PLET1: variants seen among roughly 807,000 people sequenced by gnomAD.
The protein encoded by PLET1 is placenta-expressed transcript 1 protein.
In PLET1, 20 loss-of-function variants were observed where a neutral mutation model predicts 18.5. The ratio of observed to expected loss-of-function variants is 1.08; its 90% CI spans 0.76 to 1.57. The LOEUF (loss-of-function observed/expected upper bound fraction) is 1.57, where lower values mean the gene tolerates loss of function less well. Ranked by LOEUF, PLET1 falls within the 40% of genes most tolerant of loss-of-function variation. The probability of loss-of-function intolerance (pLI) is 0.00; values close to 1 mark genes in which losing one functional copy is unlikely to be tolerated. For synonymous variants in PLET1, 93 were observed against 93.8 expected (o/e 0.99, Z 0.05); for missense variants, 256 against 246.4 (o/e 1.04, Z -0.26).
rs567299489 is a variant in PLET1, at chr11:112,248,338, T to C, written c.*461A>G. On this transcript the variant is annotated 3_prime_UTR_variant, in exon 4 of 4. Transcript: ENST00000338832. ...CTCAGAGCTATTTCTCCTTTCTCCTTTCTTTCTTGAGTCACATGAGTCACA... is the reference window on the plus strand; with the variant it reads ...CTCAGAGCTATTTCTCCTTTCTCCTCTCTTTCTTGAGTCACATGAGTCACA... 1 of 364,524 alleles carries C rather than the reference T, an allele frequency of 2.7e-6. No individual in the cohort carries two copies. Among genetic ancestry groups the C allele is most frequent in the Admixed American group, 4.6e-5 (1 of 21,802 alleles). 22.6% of individuals were successfully genotyped at this position (364,524 alleles called of 1,614,324 possible).
At position 112,248,380 on chromosome 11, in the gene PLET1, T is replaced by C; in HGVS notation, c.*419A>G. The C allele has an allele frequency of 2.6e-6, 1 of 391,394 alleles. No homozygotes were observed. Among genetic ancestry groups the C allele is most frequent in the Non-Finnish European group, 4.5e-6 (1 of 222,212 alleles). 24.2% of individuals were successfully genotyped at this position (391,394 alleles called of 1,614,324 possible). A position where few individuals can be genotyped will look rare whatever the true frequency, so the allele number is the denominator to read the frequency against. ...TGAGTCACAGAAGTTCCTTGTAACC[T>C]GAATGGGTTTGGTTAGAAATCTGAG... On this transcript the variant is annotated 3_prime_UTR_variant, in exon 4 of 4. Transcript: ENST00000338832.
intron 1 of PLET1, among the ~76,000 whole-genome samples, chr11:112,259,595 T>C (rs1378329662): frequency 6.6e-6 from 1 of 152,162 alleles, no homozygotes; most frequent in Admixed American, 6.5e-5. Context: ...GGCAGGTCAT[T>C]TAATTTCCCT....
intron 1 of PLET1, among the ~76,000 whole-genome samples, chr11:112,257,330 G>A (rs1860233858): frequency 6.7e-6 from 1 of 149,616 alleles, no homozygotes. Flanking sequence ...GCTTGCTTAT[G>A]TCCCACCTCT....
rs192800813 is a variant in PLET1, at chr11:112,248,228, A to G, written c.*571T>C. 2.0e-5 allele frequency among the ~76,000 whole-genome samples: 3 copies of G among 152,260 alleles called. No individual in the cohort carries two copies. The highest frequency in any genetic ancestry group is 3.9e-4 in the East Asian group (2 of 5,194). ...TGTTTTTATAACATAGTTTTTTTCT[A>G]TATTGGCTTCTCAGACATGGTTCGT... On this transcript the variant is annotated 3_prime_UTR_variant, in exon 4 of 4. Transcript: ENST00000338832.
intron 1 of PLET1, among the ~76,000 whole-genome samples, chr11:112,256,902 T>C (rs1860230206): frequency 6.6e-6 from 1 of 152,294 alleles, no homozygotes; most frequent in East Asian, 1.9e-4. Context: ...CCTTCCATTC[T>C]GGTTTAAATC....
At chr11:112,250,640 A>G (rs1592888815) in intron 3 of PLET1, among the ~76,000 whole-genome samples, 1 of 152,210 alleles carries the variant, frequency 6.6e-6, no homozygotes, top group Non-Finnish European at 1.5e-5. Flanking sequence ...AAAAACTTAA[A>G]GACAGTGTGT....
chr11:112,253,141 TG>T (rs1234384486), intron 2 of PLET1, among the ~76,000 whole-genome samples: 4 of 152,190 alleles, frequency 2.6e-5, no homozygotes, highest in Non-Finnish European at 5.9e-5. Flanking sequence ...TGATCTGTGA[TG>T]TACGCTGTGA....
intron 1 of PLET1, among the ~76,000 whole-genome samples, chr11:112,258,301 TGAGATA>T (rs1241326257): frequency 7.9e-5 from 9 of 113,652 alleles, no homozygotes; most frequent in African/African-American, 2.8e-4. Flanking sequence ...TTTTTTTTTT[TGAGATA>T]GAGTCTTGCT....
intron 2 of PLET1, among the ~76,000 whole-genome samples, chr11:112,254,983 GT>G (rs1860207549): frequency 1.6e-5 from 1 of 62,712 alleles, no homozygotes; most frequent in Non-Finnish European, 3.7e-5. Flanking sequence ...TGGTGTGTGT[GT>G]GATATGTGGT....
Position 112,260,574 on chromosome 11 carries a change from C to T in PLET1, c.16G>A (p.Asp6Asn). MAVFHDMLLQPLGMFL... is the reference protein window; with the variant it reads MAVFHNMLLQPLGMFL... ...ATCCCCAGTGGCTGCAGCAGCATGT[C>T]ATGGAAGACTGCCATGGTCTCAGTC... Residue 6 changes from aspartate to asparagine, a missense_variant, in exon 1 of 4, where the codon GAC becomes AAC. Coordinates refer to ENST00000338832, the MANE Select transcript of PLET1 (RefSeq NM_001145024.1). The T allele has an allele frequency of 1.3e-6, 2 of 1,551,216 alleles. No individual in the cohort carries two copies. Among genetic ancestry groups the T allele is most frequent in the Non-Finnish European group, 1.7e-6 (2 of 1,146,842 alleles).
chr11:112,255,317 G>A (rs554654305), intron 2 of PLET1, 71 bp downstream of exon 2: 13 of 1,430,056 alleles, frequency 9.1e-6, no homozygotes, highest in Non-Finnish European at 1.3e-5. Context: ...AGTCCTCCTA[G>A]CTTAGTGTAA....
chr11:112,254,257 C>T (rs545124861), intron 2 of PLET1, among the ~76,000 whole-genome samples: 27 of 115,588 alleles, frequency 2.3e-4, no homozygotes, highest in African/African-American at 6.7e-4. Context: ...CTGGTATGTG[C>T]GTGTGGTGTC....
At chr11:112,253,175 G>A (rs995582847) in intron 2 of PLET1, among the ~76,000 whole-genome samples, 6 of 152,158 alleles carry the variant, frequency 3.9e-5, no homozygotes, top group African/African-American at 1.4e-4. Flanking sequence ...AATTCTGAGA[G>A]TGTACAACTG....
At chr11:112,255,301 AT>A in intron 2 of PLET1, 86 bp downstream of exon 2, 1 of 1,339,232 alleles carries the variant, frequency 7.5e-7, no homozygotes, top group South Asian at 1.3e-5. Flanking sequence ...TCTGGATTGT[AT>A]TTTAAGTCCT....
chr11:112,260,751 C>A lies in PLET1; in HGVS notation c.-162G>T, dbSNP rs747590884. 6.4e-6 allele frequency: 4 copies of A among 624,816 alleles called. No individual in the cohort carries two copies. Among genetic ancestry groups the A allele is most frequent in the Non-Finnish European group, 1.1e-5 (4 of 370,618 alleles). 38.7% of individuals were successfully genotyped at this position (624,816 alleles called of 1,614,324 possible). A position where few individuals can be genotyped will look rare whatever the true frequency, so the allele number is the denominator to read the frequency against. On this transcript the variant is annotated 5_prime_UTR_variant, in exon 1 of 4. Coordinates refer to ENST00000338832, the MANE Select transcript of PLET1 (RefSeq NM_001145024.1). ...TTCTGGAATTTGGCCCAAGACATCA[C>A]CAGGAATGAATCACCAGTCACCATT...
intron 3 of PLET1, 111 bp downstream of exon 3, chr11:112,252,237 G>T: frequency 1.1e-6 from 1 of 928,120 alleles, no homozygotes. Flanking sequence ...CTGATAGATA[G>T]CTGAGTGATG....
rs113300531 is a variant in PLET1 at position 112,250,421 on chromosome 11, G to A, written c.449-1447C>T. Among the ~76,000 whole-genome samples the A allele has an allele frequency of 5.1e-3, 776 of 152,026 alleles. 7 individuals carry two copies. The highest frequency in any genetic ancestry group is 0.018 in the African/African-American group (739 of 41,450). On this transcript the variant is annotated intron_variant, in intron 3 of 3. Coordinates refer to ENST00000338832, the MANE Select transcript of PLET1 (RefSeq NM_001145024.1). Reference sequence around the variant, plus strand: ...AAGATACCAACAAGGACACACTCCTGTAACAGCGGAAAGTCCAGATGTCCC... The same window carrying A: ...AAGATACCAACAAGGACACACTCCTATAACAGCGGAAAGTCCAGATGTCCC...
intron 3 of PLET1, among the ~76,000 whole-genome samples, chr11:112,251,533 C>G (rs1340689362): frequency 1.3e-5 from 2 of 152,210 alleles, no homozygotes; most frequent in Non-Finnish European, 2.9e-5. Context: ...TGAGATCGCA[C>G]TACTGCACTC....
At chr11:112,249,963 T>TAAAAAAAAAAAA (rs61227342) in intron 3 of PLET1, among the ~76,000 whole-genome samples, 1 of 105,500 alleles carries the variant, frequency 9.5e-6, no homozygotes, top group Non-Finnish European at 1.8e-5. Flanking sequence ...TCTCAAAAAT[T>TAAAAAAAAAAAA]AAAAAAAAAA....
Sources: allele counts gnomAD v4.1 joint callset (sites outside exome capture counted in the v4.1 genomes callset), GRCh38; gene constraint gnomAD v4.1.1; transcripts MANE v1.5; gene names NCBI Gene and HGNC (gene_info 2026-07-23, HGNC 2026-07-21).